Variants in C12orf56 observed in about 807,000 individuals in gnomAD.
C12orf56 encodes the protein uncharacterized protein C12orf56.
In C12orf56, 71 loss-of-function variants were observed where a neutral mutation model predicts 69.9. The observed-to-expected ratio is 1.02, with a 90% CI of 0.84 to 1.24. The LOEUF (loss-of-function observed/expected upper bound fraction) is 1.24, where lower values mean the gene tolerates loss of function less well. Among genes scored for constraint, C12orf56 ranks in the 50% most tolerant of loss-of-function variants. The pLI is 0.00. For missense variants in C12orf56, 732 were observed against 738.5 expected, an observed-to-expected ratio of 0.99 and a Z score of 0.10; for synonymous variants, 276 against 274.1, an observed-to-expected ratio of 1.01 and a Z score of -0.07.
At chr12:64,357,507 G>A (rs1291552231) in intron 1 of C12orf56, among the ~76,000 whole-genome samples, 1 of 151,500 alleles carries the variant, frequency 6.6e-6, no homozygotes, top group African/African-American at 2.4e-5. Flanking sequence ...CTGCCTCCCA[G>A]GCTCAAGTGA....
At chr12:64,279,117 G>T (rs898394651) in intron 8 of C12orf56, among the ~76,000 whole-genome samples, 1 of 151,836 alleles carries the variant, frequency 6.6e-6, no homozygotes, top group Admixed American at 6.6e-5. Context: ...ATGGGGTCTT[G>T]CTTTGTTGCC....
intron 4 of C12orf56, among the ~76,000 whole-genome samples, chr12:64,316,390 G>A (rs1056877958): frequency 1.3e-5 from 2 of 151,964 alleles, no homozygotes; most frequent in South Asian, 4.2e-4. Context: ...GAGGCACCAC[G>A]CCTGGCCTTA....
At chr12:64,339,248 A>G (rs1231790710) in intron 2 of C12orf56, among the ~76,000 whole-genome samples, 1 of 152,194 alleles carries the variant, frequency 6.6e-6, no homozygotes, top group Non-Finnish European at 1.5e-5. Context: ...ATCCTCAGAA[A>G]CAGCCACAAA....
intron 1 of C12orf56, among the ~76,000 whole-genome samples, chr12:64,381,613 G>A (rs1380189815): frequency 2.6e-5 from 4 of 152,138 alleles, no homozygotes; most frequent in South Asian, 2.1e-4. Flanking sequence ...AAATGGAGTC[G>A]GTTAGGTCAG....
chr12:64,314,043 CAAAA>C (rs762340003), intron 4 of C12orf56, among the ~76,000 whole-genome samples: 3 of 67,084 alleles, frequency 4.5e-5, no homozygotes, highest in Admixed American at 1.9e-4. Flanking sequence ...AACTCTGTCT[CAAAA>C]AAAAAAAAAA....
chr12:64,380,881 A>G (rs1479700055), intron 1 of C12orf56, among the ~76,000 whole-genome samples: 1 of 152,206 alleles, frequency 6.6e-6, no homozygotes, highest in Non-Finnish European at 1.5e-5. Context: ...TTGGAGGCTC[A>G]TGGAGATTTT....
intron 6 of C12orf56, among the ~76,000 whole-genome samples, chr12:64,286,405 C>A (rs116988576): frequency 2.0e-5 from 3 of 152,318 alleles, no homozygotes; most frequent in Non-Finnish European, 4.4e-5. Flanking sequence ...TAATTTCTGC[C>A]TTTCCAAAGT....
At chr12:64,313,104 C>A (rs1246438500) in intron 4 of C12orf56, among the ~76,000 whole-genome samples, 6 of 150,474 alleles carry the variant, frequency 4.0e-5, no homozygotes, top group Admixed American at 4.0e-4. Context: ...ACTAAAAATA[C>A]AAAAAAAATT....
intron 1 of C12orf56, among the ~76,000 whole-genome samples, chr12:64,382,798 G>A (rs1390850179): frequency 3.3e-5 from 5 of 151,570 alleles, no homozygotes; most frequent in Admixed American, 6.6e-5. Flanking sequence ...GTGTGAACCC[G>A]GGAGGCGGAG....
intron 1 of C12orf56, among the ~76,000 whole-genome samples, chr12:64,356,170 CA>C (rs761289428): frequency 0.051 from 2,473 of 48,296 alleles, 60 homozygotes; most frequent in African/African-American, 0.068. Context: ...GACTCCATCT[CA>C]AAAAAAAAAA....
chr12:64,350,141 G>A (rs992280910), intron 2 of C12orf56, among the ~76,000 whole-genome samples: 4 of 151,650 alleles, frequency 2.6e-5, no homozygotes, highest in East Asian at 3.9e-4. Context: ...GGGAACTTAG[G>A]GGGAAGGGTA....
chr12:64,350,942 C>G (rs1183947985), intron 2 of C12orf56, among the ~76,000 whole-genome samples: 1 of 122,148 alleles, frequency 8.2e-6, no homozygotes, highest in Non-Finnish European at 1.9e-5. Context: ...AAAACTTATA[C>G]ATTTGTCATG....
chr12:64,360,372 C>T (rs1357824294), intron 1 of C12orf56, among the ~76,000 whole-genome samples: 4 of 152,094 alleles, frequency 2.6e-5, no homozygotes, highest in Non-Finnish European at 5.9e-5. Context: ...TTGCAGTGAG[C>T]CAAGATCATG....
intron 8 of C12orf56, among the ~76,000 whole-genome samples, chr12:64,282,001 A>C (rs2038135297): frequency 6.6e-6 from 1 of 152,208 alleles, no homozygotes; most frequent in Non-Finnish European, 1.5e-5. Flanking sequence ...CAGAAATATC[A>C]AAAATAATGT....
intron 2 of C12orf56, among the ~76,000 whole-genome samples, chr12:64,345,862 G>A (rs7398603): frequency 0.32 from 49,245 of 151,962 alleles, 8,352 homozygotes; most frequent in Non-Finnish European, 0.39. Flanking sequence ...TGTCTCTCAT[G>A]AGCGATGAAT....
intron 2 of C12orf56, among the ~76,000 whole-genome samples, chr12:64,338,964 T>C (rs1399428119): frequency 6.6e-6 from 1 of 152,218 alleles, no homozygotes; most frequent in Admixed American, 6.5e-5. Flanking sequence ...TCTGTACAAA[T>C]ACTAAAATAA....
chr12:64,369,099 G>A (rs562351151), intron 1 of C12orf56, among the ~76,000 whole-genome samples: 28 of 149,124 alleles, frequency 1.9e-4, no homozygotes, highest in African/African-American at 4.2e-4. Context: ...AAGGAGGATC[G>A]CTTGAGGCCA....
At chr12:64,371,667 G>GA (rs1365877777) in intron 1 of C12orf56, among the ~76,000 whole-genome samples, 1 of 151,486 alleles carries the variant, frequency 6.6e-6, no homozygotes, top group Non-Finnish European at 1.5e-5. Context: ...CCGGCTCTAA[G>GA]AAAAATACAA....
chr12:64,300,701 C>T (rs538070064), intron 6 of C12orf56, among the ~76,000 whole-genome samples: 22 of 152,306 alleles, frequency 1.4e-4, no homozygotes, highest in African/African-American at 5.1e-4. Context: ...GTGCAGACAT[C>T]CAGTTGTAAT....
Sources: gnomAD v4.1 joint callset for allele counts (sites outside exome capture counted in the v4.1 genomes callset) on GRCh38, gnomAD v4.1.1 for gene constraint, MANE v1.5 for transcripts, NCBI Gene and HGNC (gene_info 2026-07-23, HGNC 2026-07-21) for gene names.